UBTD1: variants seen among roughly 807,000 people sequenced by gnomAD.
UBTD1 encodes ubiquitin domain containing 1.
In UBTD1, 19 loss-of-function variants were observed where a neutral mutation model predicts 21.7. The ratio of observed to expected loss-of-function variants is 0.87; its 90% CI spans 0.61 to 1.28. UBTD1 has a LOEUF of 1.28. Ranked by LOEUF, UBTD1 falls within the 50% of genes most tolerant of loss-of-function variation. The pLI is 0.00. For synonymous variants in UBTD1, 116 were observed against 135.1 expected, an observed-to-expected ratio of 0.86 and a Z score of 0.98; for missense variants, 282 against 315.1, an observed-to-expected ratio of 0.89 and a Z score of 0.80.
At chr10:97,569,607 G>C (rs2040735123) in intron 2 of UBTD1, among the ~76,000 whole-genome samples, 1 of 152,150 alleles carries the variant, frequency 6.6e-6, no homozygotes, top group African/African-American at 2.4e-5. Flanking sequence ...CCACATGCTG[G>C]GTGACTTAAT....
intron 1 of UBTD1, among the ~76,000 whole-genome samples, chr10:97,529,265 T>C (rs2040513614): frequency 6.7e-6 from 1 of 149,130 alleles, no homozygotes; most frequent in Non-Finnish European, 1.5e-5. Context: ...GCAGAGACGC[T>C]CCTCACTTTC....
At position 97,571,168 on chromosome 10, in the gene UBTD1, T is replaced by A. The variant is rs1055536219; in HGVS notation, c.*645T>A. 8 of 152,812 alleles carry A rather than the reference T, an allele frequency of 5.2e-5. No homozygotes were observed. Among genetic ancestry groups the A allele is most frequent in the African/African-American group, 1.9e-4 (8 of 41,452 alleles). The allele number at this position is 152,812 out of a possible 1,614,324, so 9.5% of individuals were successfully genotyped here. On this transcript the variant is annotated 3_prime_UTR_variant, in exon 3 of 3. Coordinates refer to ENST00000370664, the MANE Select transcript of UBTD1 (RefSeq NM_024954.5). ...CACAGCAGGTCCCTGTGGACAGACA[T>A]ATCTGCATATTTATCAATAAAGCCT...
At chr10:97,549,881 C>G (rs934483808) in intron 1 of UBTD1, among the ~76,000 whole-genome samples, 5 of 152,238 alleles carry the variant, frequency 3.3e-5, no homozygotes, top group African/African-American at 1.2e-4. Context: ...AAATATCGCG[C>G]TTCCTGAAGG....
intron 1 of UBTD1, among the ~76,000 whole-genome samples, chr10:97,528,152 G>A (rs1202013601): frequency 3.3e-5 from 4 of 121,166 alleles, no homozygotes; most frequent in East Asian, 2.9e-4. Context: ...CCTCCCGGAC[G>A]GGGCGGCTGG....
intron 1 of UBTD1, among the ~76,000 whole-genome samples, chr10:97,531,130 G>A (rs750449894): frequency 1.8e-4 from 27 of 151,556 alleles, no homozygotes; most frequent in Admixed American, 4.6e-4. Context: ...CTCGTGATCC[G>A]CCCTCCTTGG....
rs2040278610 is a variant in UBTD1, at chr10:97,498,934, C to T, written c.-270C>T. The T allele has an allele frequency of 2.4e-6, 1 of 422,820 alleles. No homozygotes were observed. Among genetic ancestry groups the T allele is most frequent in the Non-Finnish European group, 4.2e-6 (1 of 239,700 alleles). The allele number at this position is 422,820 out of a possible 1,614,324, so 26.2% of individuals were successfully genotyped here. The stretch of plus-strand genomic sequence containing the variant: ...CGGTGCCCGCCCCCTCTCTCCGCCC[C>T]TCCAGCGGAGCTGGTCTCCGGCCGG... On this transcript the variant is annotated 5_prime_UTR_variant, in exon 1 of 3. Coordinates refer to ENST00000370664, the MANE Select transcript of UBTD1 (RefSeq NM_024954.5).
At chr10:97,501,531 TGTAGTGA>T (rs2040376409) in intron 1 of UBTD1, among the ~76,000 whole-genome samples, 4 of 152,054 alleles carry the variant, frequency 2.6e-5, no homozygotes, top group Non-Finnish European at 5.9e-5. Context: ...TCGCAGAGGT[TGTAGTGA>T]GCTGAGATTG....
At chr10:97,517,884 G>A (rs1259073002) in intron 1 of UBTD1, among the ~76,000 whole-genome samples, 1 of 152,104 alleles carries the variant, frequency 6.6e-6, no homozygotes, top group Non-Finnish European at 1.5e-5. Context: ...TGTGTGTGGA[G>A]ACCAGCAGCA....
intron 1 of UBTD1, among the ~76,000 whole-genome samples, chr10:97,558,506 G>C (rs571353153): frequency 6.6e-6 from 1 of 152,326 alleles, no homozygotes; most frequent in South Asian, 2.1e-4. Flanking sequence ...GTTGTTTTGA[G>C]AGATAGACCA....
At chr10:97,529,472 C>G (rs1368299982) in intron 1 of UBTD1, among the ~76,000 whole-genome samples, 1 of 152,212 alleles carries the variant, frequency 6.6e-6, no homozygotes, top group African/African-American at 2.4e-5. Flanking sequence ...AGCCTGGGCA[C>G]CATTGAGCAC....
At chr10:97,528,661 G>A (rs542658424) in intron 1 of UBTD1, among the ~76,000 whole-genome samples, 1 of 39,928 alleles carries the variant, frequency 2.5e-5, no homozygotes, top group Non-Finnish European at 5.0e-5. Context: ...GCGGCTGGCC[G>A]GGCGGGGGGC....
chr10:97,531,636 G>A (rs1347647317), intron 1 of UBTD1, among the ~76,000 whole-genome samples: 2 of 152,192 alleles, frequency 1.3e-5, no homozygotes, highest in African/African-American at 2.4e-5. Flanking sequence ...CTGGGTCATG[G>A]AGCCAGTCCC....
At chr10:97,513,432 T>C (rs535989431) in intron 1 of UBTD1, among the ~76,000 whole-genome samples, 5 of 152,220 alleles carry the variant, frequency 3.3e-5, no homozygotes, top group African/African-American at 1.2e-4. Context: ...CCCTGGGAGC[T>C]CGAGTTACGG....
intron 1 of UBTD1, among the ~76,000 whole-genome samples, chr10:97,499,867 T>C (rs1235194325): frequency 6.6e-6 from 1 of 152,186 alleles, no homozygotes; most frequent in Non-Finnish European, 1.5e-5. Flanking sequence ...AGAGTCACCC[T>C]TGGGATTGTT....
At chr10:97,522,992 G>A (rs551426382) in intron 1 of UBTD1, among the ~76,000 whole-genome samples, 3 of 152,264 alleles carry the variant, frequency 2.0e-5, no homozygotes, top group East Asian at 1.9e-4. Flanking sequence ...ATCCCTGAGC[G>A]TTCCTTCCCC....
intron 1 of UBTD1, among the ~76,000 whole-genome samples, chr10:97,505,806 T>G (rs2135653903): frequency 6.6e-6 from 1 of 152,340 alleles, no homozygotes; most frequent in Middle Eastern, 3.4e-3. Context: ...TTTGTGATCT[T>G]AGAAAGTTTC....
chr10:97,518,352 C>T lies in UBTD1; in HGVS notation c.70+19079C>T, dbSNP rs914889434. ...GCCTGGTTCTTTCTCCCTAGCTGCC[C>T]CTCCCCGAGGACAAGGCCCTCTATC... On this transcript the variant is annotated intron_variant, in intron 1 of 2. Transcript: ENST00000370664. 1.7e-4 allele frequency among the ~76,000 whole-genome samples: 26 copies of T among 152,164 alleles called. 1 individual carries two copies. The highest frequency in any genetic ancestry group is 1.2e-3 in the Admixed American group (19 of 15,272).
chr10:97,524,251 T>G (rs1205263947), intron 1 of UBTD1, among the ~76,000 whole-genome samples: 3 of 151,238 alleles, frequency 2.0e-5, no homozygotes, highest in Non-Finnish European at 4.4e-5. Context: ...TGCGCCACCA[T>G]CCCTGGCTAA....
chr10:97,511,259 C>T (rs1317374305), intron 1 of UBTD1, among the ~76,000 whole-genome samples: 2 of 152,158 alleles, frequency 1.3e-5, no homozygotes, highest in Non-Finnish European at 2.9e-5. Context: ...ATCTAATCCT[C>T]CTGATAGTCC....
Sources: allele counts gnomAD v4.1 joint callset (sites outside exome capture counted in the v4.1 genomes callset), GRCh38; gene constraint gnomAD v4.1.1; transcripts MANE v1.5; gene names NCBI Gene and HGNC (gene_info 2026-07-23, HGNC 2026-07-21).